The following PLPPR1 variants were observed in gnomAD, a reference collection of about 807,000 sequenced individuals.
PLPPR1 encodes phospholipid phosphatase-related protein type 1.
In PLPPR1, 10 loss-of-function variants were observed where a neutral mutation model predicts 33.1. The observed-to-expected ratio is 0.30, with a 90% confidence interval of 0.19 to 0.51. PLPPR1 has a LOEUF of 0.51. Ranked by LOEUF, PLPPR1 falls within the 20% of genes least tolerant of loss-of-function variation. PLPPR1 has a pLI of 0.97. For missense variants in PLPPR1, 304 were observed against 408.1 expected, an observed-to-expected ratio of 0.74 and a Z score of 2.20; for synonymous variants, 151 against 151.0, an observed-to-expected ratio of 1.00 and a Z score of 0.00.
chr9:101,054,366 A>G (rs1225657218), intron 1 of PLPPR1, among the ~76,000 whole-genome samples: 2 of 152,180 alleles, frequency 1.3e-5, no homozygotes, highest in African/African-American at 4.8e-5. Flanking sequence ...AATTCACCAG[A>G]TAATTTTTCA....
intron 1 of PLPPR1, among the ~76,000 whole-genome samples, chr9:101,046,318 C>G (rs924044183): frequency 3.9e-5 from 6 of 152,072 alleles, no homozygotes; most frequent in African/African-American, 1.4e-4. Flanking sequence ...CCCCTTCCCC[C>G]AGACTGTTTT....
intron 1 of PLPPR1, among the ~76,000 whole-genome samples, chr9:101,062,426 C>G (rs1390456510): frequency 6.6e-6 from 1 of 151,952 alleles, no homozygotes; most frequent in African/African-American, 2.4e-5. Context: ...GGCTAATATT[C>G]CTTTAATATT....
intron 1 of PLPPR1, among the ~76,000 whole-genome samples, chr9:101,181,757 CACACAT>C (rs1826117587): frequency 7.1e-6 from 1 of 140,454 alleles, no homozygotes; most frequent in South Asian, 2.3e-4. Context: ...ACACACACAA[CACACAT>C]ACATATATAC....
chr9:101,068,034 T>C (rs1830439671), intron 1 of PLPPR1, among the ~76,000 whole-genome samples: 1 of 152,108 alleles, frequency 6.6e-6, no homozygotes, highest in African/African-American at 2.4e-5. Flanking sequence ...AAAAGGTGTC[T>C]AAAGTACACA....
At chr9:101,284,639 G>A (rs556227867) in intron 3 of PLPPR1, among the ~76,000 whole-genome samples, 2 of 152,222 alleles carry the variant, frequency 1.3e-5, no homozygotes, top group South Asian at 2.1e-4. Context: ...CTGTCTGTGT[G>A]TGTCCGAGTT....
chr9:101,066,298 T>C (rs969983234), intron 1 of PLPPR1, among the ~76,000 whole-genome samples: 2 of 152,056 alleles, frequency 1.3e-5, no homozygotes, highest in African/African-American at 2.4e-5. Flanking sequence ...ATGTGACTTA[T>C]CAGTATTGAT....
At chr9:101,201,660 A>G (rs911366009) in intron 2 of PLPPR1, among the ~76,000 whole-genome samples, 3 of 152,228 alleles carry the variant, frequency 2.0e-5, no homozygotes, top group Non-Finnish European at 2.9e-5. Flanking sequence ...CTACATTCTC[A>G]GTAATCATTA....
At position 101,289,991 on chromosome 9, in the gene PLPPR1, G is replaced by A. The variant is rs115175914; in HGVS notation, c.385+3755G>A. Among the ~76,000 whole-genome samples the A allele has an allele frequency of 9.6e-3, 1,468 of 152,294 alleles. 18 individuals are homozygous for A. Among genetic ancestry groups the A allele is most frequent in the African/African-American group, 0.031 (1,304 of 41,564 alleles). ...AGTGCATAAATGAGGTAATTTCTAA[G>A]AGAAAGCCAGAGAAGTCTGTTCTGA... On this transcript the variant is annotated intron_variant, in intron 4 of 7. Coordinates refer to ENST00000374874, the MANE Select transcript of PLPPR1 (RefSeq NM_207299.2).
chr9:101,301,851 TGAA>T (rs1300244455), intron 4 of PLPPR1, among the ~76,000 whole-genome samples: 2 of 152,192 alleles, frequency 1.3e-5, no homozygotes, highest in Non-Finnish European at 1.5e-5. Context: ...ACTACAAAAT[TGAA>T]GAATTCGTAT....
intron 1 of PLPPR1, among the ~76,000 whole-genome samples, chr9:101,088,541 C>A (rs1830704959): frequency 6.6e-6 from 1 of 152,052 alleles, no homozygotes; most frequent in South Asian, 2.1e-4. Flanking sequence ...TAAATAGTCT[C>A]ACTTTGTGTT....
chr9:101,043,155 G>T (rs925138785), intron 1 of PLPPR1, among the ~76,000 whole-genome samples: 1 of 151,774 alleles, frequency 6.6e-6, no homozygotes, highest in Non-Finnish European at 1.5e-5. Flanking sequence ...GAGAACATAC[G>T]ATGTTTGTTT....
chr9:101,228,674 G>A (rs541141967), intron 2 of PLPPR1, among the ~76,000 whole-genome samples: 1 of 152,092 alleles, frequency 6.6e-6, no homozygotes, highest in Non-Finnish European at 1.5e-5. Context: ...GGGATGTGAC[G>A]TATTAGGGAA....
At chr9:101,293,774 T>TG (rs1015185248) in intron 4 of PLPPR1, among the ~76,000 whole-genome samples, 8 of 151,822 alleles carry the variant, frequency 5.3e-5, no homozygotes, top group African/African-American at 1.9e-4. Context: ...AGACACAACA[T>TG]ACCAGAATCT....
chr9:101,080,862 T>C (rs1830608378), intron 1 of PLPPR1, among the ~76,000 whole-genome samples: 1 of 152,188 alleles, frequency 6.6e-6, no homozygotes, highest in South Asian at 2.1e-4. Flanking sequence ...ACAATGGTAG[T>C]AGACTAAGGA....
In PLPPR1 at chr9:101,325,062, A is replaced by G. The variant is rs1474792872; in HGVS notation, c.*1005A>G. The G allele has an allele frequency of 3.3e-5, 5 of 152,196 alleles. No homozygotes were observed. Among genetic ancestry groups the G allele is most frequent in the Admixed American group, 1.3e-4 (2 of 15,280 alleles). The allele number at this position is 152,196 out of a possible 1,614,324, so 9.4% of individuals were successfully genotyped here. ...ATCAGAATGTTTTCTTGACACTTCC[A>G]TGTTGGCTCTTCTCAGCTTTTTTTG... is the stretch of plus-strand genomic sequence containing the variant. On this transcript the variant is annotated 3_prime_UTR_variant, in exon 8 of 8. Transcript: ENST00000374874.
chr9:101,209,955 T>C (rs1001323726), intron 2 of PLPPR1, among the ~76,000 whole-genome samples: 2 of 152,234 alleles, frequency 1.3e-5, no homozygotes, highest in Admixed American at 6.5e-5. Flanking sequence ...CCAGGAATAA[T>C]GTTGTCTTAG....
At chr9:101,148,862 A>G (rs1831551128) in intron 1 of PLPPR1, among the ~76,000 whole-genome samples, 1 of 151,906 alleles carries the variant, frequency 6.6e-6, no homozygotes, top group African/African-American at 2.4e-5. Flanking sequence ...TATTCCCACA[A>G]TTCCGTCTGC....
At chr9:101,061,050 G>A (rs1439458934) in intron 1 of PLPPR1, among the ~76,000 whole-genome samples, 1 of 151,854 alleles carries the variant, frequency 6.6e-6, no homozygotes, top group Non-Finnish European at 1.5e-5. Flanking sequence ...AAGGACTGTG[G>A]AGGAAGCCCC....
intron 4 of PLPPR1, among the ~76,000 whole-genome samples, chr9:101,291,211 T>A (rs553920230): frequency 5.6e-4 from 86 of 152,264 alleles, no homozygotes; most frequent in African/African-American, 1.9e-3. Flanking sequence ...GAGATCAAAC[T>A]GCAAGGTGGC....
Sources: allele counts gnomAD v4.1 joint callset (sites outside exome capture counted in the v4.1 genomes callset), GRCh38; gene constraint gnomAD v4.1.1; transcripts MANE v1.5; gene names NCBI Gene and HGNC (gene_info 2026-07-23, HGNC 2026-07-21).